Variants in NPAS3 observed in about 807,000 individuals in gnomAD.
NPAS3 encodes the protein neuronal PAS domain protein 3.
In NPAS3, 14 loss-of-function variants were observed where a neutral mutation model predicts 73.1. The ratio of observed to expected loss-of-function variants is 0.19; its 90% CI spans 0.13 to 0.30. The LOEUF (loss-of-function observed/expected upper bound fraction) is 0.30. NPAS3 is among the 10% of genes least tolerant of loss of function. The pLI is 1.00. For synonymous variants in NPAS3, 620 were observed against 541.5 expected, an observed-to-expected ratio of 1.14 and a Z score of -2.01; for missense variants, 1,096 against 1,250.0, an observed-to-expected ratio of 0.88 and a Z score of 1.86.
intron 4 of NPAS3, among the ~76,000 whole-genome samples, chr14:33,504,751 T>C (rs1441499166): frequency 1.3e-5 from 2 of 152,004 alleles, no homozygotes; most frequent in South Asian, 2.1e-4. Context: ...ACACAGTCCC[T>C]GCTATGGTGA....
chr14:32,987,401 T>A (rs1474724585), intron 1 of NPAS3, among the ~76,000 whole-genome samples: 3 of 152,118 alleles, frequency 2.0e-5, no homozygotes, highest in Non-Finnish European at 2.9e-5. Context: ...CAGTCCTGCA[T>A]GTTTGAAAGC....
At chr14:33,186,276 T>C (rs2045972651) in intron 2 of NPAS3, among the ~76,000 whole-genome samples, 1 of 152,246 alleles carries the variant, frequency 6.6e-6, no homozygotes. Flanking sequence ...GGAGACCTGT[T>C]TGGTTGAAAA....
At chr14:33,489,512 A>G (rs984617164) in intron 4 of NPAS3, among the ~76,000 whole-genome samples, 7 of 152,200 alleles carry the variant, frequency 4.6e-5, no homozygotes, top group African/African-American at 1.7e-4. Context: ...AAGGAAATAC[A>G]TCAGCAAAAG....
intron 6 of NPAS3, among the ~76,000 whole-genome samples, chr14:33,686,532 A>G (rs956458565): frequency 6.6e-6 from 1 of 152,220 alleles, no homozygotes; most frequent in Non-Finnish European, 1.5e-5. Flanking sequence ...ACTACTCACC[A>G]CGTGTCAGGC....
chr14:33,760,026 C>CA (rs1221751036), intron 7 of NPAS3, among the ~76,000 whole-genome samples: 1 of 152,162 alleles, frequency 6.6e-6, no homozygotes, highest in Non-Finnish European at 1.5e-5. Flanking sequence ...GACAATTTCT[C>CA]AATCTTAAGG....
At chr14:33,056,964 C>T (rs1372228018) in intron 2 of NPAS3, among the ~76,000 whole-genome samples, 1 of 152,176 alleles carries the variant, frequency 6.6e-6, no homozygotes, top group Non-Finnish European at 1.5e-5. Flanking sequence ...TTGAACAATA[C>T]CATTTTTTTC....
intron 3 of NPAS3, among the ~76,000 whole-genome samples, chr14:33,361,611 G>T (rs2045605088): frequency 1.3e-5 from 2 of 152,178 alleles, no homozygotes; most frequent in Non-Finnish European, 2.9e-5. Context: ...AATGGTGGAA[G>T]ATATTTAAAT....
intron 1 of NPAS3, among the ~76,000 whole-genome samples, chr14:32,963,554 C>G (rs535489392): frequency 6.6e-6 from 1 of 152,158 alleles, no homozygotes; most frequent in South Asian, 2.1e-4. Context: ...AATCCCTGCA[C>G]GTACTTACTG....
intron 4 of NPAS3, among the ~76,000 whole-genome samples, chr14:33,547,735 G>A (rs1167232549): frequency 2.0e-5 from 3 of 152,164 alleles, no homozygotes; most frequent in Admixed American, 1.3e-4. Context: ...GTGCACTGTC[G>A]TTTTCCAGGC....
chr14:33,793,495 A>G (rs72664584), intron 9 of NPAS3, among the ~76,000 whole-genome samples: 5,662 of 152,336 alleles, frequency 0.037, 193 homozygotes, highest in Non-Finnish European at 0.052. Context: ...TCAAATATCC[A>G]GAATCTCAAA....
chr14:33,238,242 T>C (rs2048104449), intron 3 of NPAS3, among the ~76,000 whole-genome samples: 1 of 152,060 alleles, frequency 6.6e-6, no homozygotes, highest in African/African-American at 2.4e-5. Context: ...TTAGAGCTGA[T>C]ATTGATAATC....
At chr14:33,734,992 C>T (rs377623871) in intron 6 of NPAS3, among the ~76,000 whole-genome samples, 1 of 152,148 alleles carries the variant, frequency 6.6e-6, no homozygotes, top group African/African-American at 2.4e-5. Context: ...GCCTGAAAAG[C>T]TCTTGTTAGA....
chr14:33,673,150 T>C (rs1394587365), intron 5 of NPAS3, among the ~76,000 whole-genome samples: 1 of 152,194 alleles, frequency 6.6e-6, no homozygotes, highest in Non-Finnish European at 1.5e-5. Flanking sequence ...CCCTTCATGG[T>C]GTTCAGTGTT....
chr14:33,405,834 T>C (rs2047641906), intron 4 of NPAS3, among the ~76,000 whole-genome samples: 1 of 152,114 alleles, frequency 6.6e-6, no homozygotes, highest in Non-Finnish European at 1.5e-5. Context: ...ACTCAGTCTA[T>C]TAGTGAGGGT....
intron 4 of NPAS3, among the ~76,000 whole-genome samples, chr14:33,534,217 T>TA (rs5807733): frequency 0.021 from 2,876 of 138,344 alleles, 44 homozygotes; most frequent in African/African-American, 0.048. Context: ...CACAGAGCAG[T>TA]AAAAAAAAAA....
At chr14:33,058,238 G>T (rs548417575) in intron 2 of NPAS3, among the ~76,000 whole-genome samples, 1 of 152,246 alleles carries the variant, frequency 6.6e-6, no homozygotes, top group Admixed American at 6.5e-5. Context: ...AGGGTCACAG[G>T]GCTGCAGTGA....
chr14:33,673,396 T>G (rs540399332), intron 5 of NPAS3, among the ~76,000 whole-genome samples: 47 of 152,280 alleles, frequency 3.1e-4, no homozygotes, highest in African/African-American at 1.1e-3. Context: ...AATTAGTACT[T>G]TTTGCACATA....
intron 7 of NPAS3, among the ~76,000 whole-genome samples, chr14:33,766,161 C>A (rs1311792867): frequency 6.6e-6 from 1 of 152,092 alleles, no homozygotes; most frequent in African/African-American, 2.4e-5. Context: ...GTAACAATAC[C>A]CATGTTCACA....
chr14:33,309,707 A>G (rs2042921311), intron 3 of NPAS3, among the ~76,000 whole-genome samples: 3 of 152,192 alleles, frequency 2.0e-5, no homozygotes, highest in Admixed American at 2.0e-4. Context: ...TTTCCTTTAG[A>G]AGATTCCATG....
Sources: allele counts gnomAD v4.1 joint callset (sites outside exome capture counted in the v4.1 genomes callset), GRCh38; gene constraint gnomAD v4.1.1; transcripts MANE v1.5; gene names NCBI Gene and HGNC (gene_info 2026-07-23, HGNC 2026-07-21).